The following AGBL4 variants were observed in gnomAD, a reference collection of about 807,000 sequenced individuals.
AGBL4 encodes the protein AGBL carboxypeptidase 4, also known as cytosolic carboxypeptidase 6.
In AGBL4, 58 loss-of-function variants were observed where a neutral mutation model predicts 66.4. The observed-to-expected ratio is 0.87, with a 90% CI of 0.71 to 1.09. The LOEUF (loss-of-function observed/expected upper bound fraction) is 1.09. AGBL4 is among the 50% of genes least tolerant of loss of function. AGBL4 has a pLI of 0.00. For synonymous variants in AGBL4, 234 were observed against 222.9 expected (o/e 1.05, Z -0.44); for missense variants, 579 against 631.0 (o/e 0.92, Z 0.88).
rs114966912 is a variant in AGBL4 at position 49,528,735 on chromosome 1, C to T, written c.282+168578G>A. Reference sequence around the variant, plus strand: ...ATAAGATGAGTGGGAGATTGGTGGACGAAAAATTTTTAAAAAAATTAGAAA... The same window carrying T: ...ATAAGATGAGTGGGAGATTGGTGGATGAAAAATTTTTAAAAAAATTAGAAA... On this transcript the variant is annotated intron_variant, in intron 3 of 13. Coordinates refer to ENST00000371839, the MANE Select transcript of AGBL4 (RefSeq NM_032785.4). Among the ~76,000 whole-genome samples the T allele has an allele frequency of 6.6e-3, 1,004 of 151,170 alleles. 11 individuals carry two copies. Among genetic ancestry groups the T allele is most frequent in the African/African-American group, 0.022 (909 of 41,180 alleles).
chr1:49,993,902 C>T (rs1400024773), intron 1 of AGBL4, among the ~76,000 whole-genome samples: 3 of 152,140 alleles, frequency 2.0e-5, no homozygotes, highest in African/African-American at 4.8e-5. Context: ...ACAATTTAGC[C>T]AAAACTGGCT....
chr1:48,799,015 A>AT (rs1226110188), intron 6 of AGBL4, among the ~76,000 whole-genome samples: 1 of 152,100 alleles, frequency 6.6e-6, no homozygotes, highest in Non-Finnish European at 1.5e-5. Context: ...TTTTGGTTCC[A>AT]TATGAATTTT....
chr1:48,708,544 T>C (rs763212708), intron 6 of AGBL4, among the ~76,000 whole-genome samples: 60 of 152,116 alleles, frequency 3.9e-4, no homozygotes, highest in Non-Finnish European at 7.4e-4. Context: ...GGAAGGGCCC[T>C]AGAGAAGATC....
intron 4 of AGBL4, among the ~76,000 whole-genome samples, chr1:49,141,666 T>C (rs905708293): frequency 6.6e-6 from 1 of 152,072 alleles, no homozygotes; most frequent in Non-Finnish European, 1.5e-5. Context: ...GAAAGAAAGA[T>C]AAAGTTGGAG....
intron 4 of AGBL4, among the ~76,000 whole-genome samples, chr1:49,112,951 TAA>T (rs1645442078): frequency 2.6e-5 from 4 of 151,542 alleles, no homozygotes; most frequent in African/African-American, 9.7e-5. Flanking sequence ...ATCTTCTTTT[TAA>T]TTTTTTTTTT....
intron 8 of AGBL4, among the ~76,000 whole-genome samples, chr1:48,635,122 T>C (rs1356372587): frequency 1.3e-5 from 2 of 152,194 alleles, no homozygotes; most frequent in East Asian, 3.9e-4. Context: ...GGTCTTCTTG[T>C]CTTCTCCTTG....
Position 49,738,363 on chromosome 1 carries a change from C to A in AGBL4, c.158-40926G>T, listed in dbSNP as rs187186676. Among the ~76,000 whole-genome samples the A allele has an allele frequency of 3.3e-5, 5 of 152,320 alleles. No individual in the cohort carries two copies. In the East Asian group the frequency reaches 9.7e-4, roughly 30 times the overall value. On this transcript the variant is annotated intron_variant, in intron 2 of 13. Transcript: ENST00000371839. Reference sequence around the variant, plus strand: ...GTCAGCAGCAAGGCTGGGGGAGGGGCGCTCACCATTGCCCAGGCTTGAGCA... The same window carrying A: ...GTCAGCAGCAAGGCTGGGGGAGGGGAGCTCACCATTGCCCAGGCTTGAGCA...
At chr1:48,571,455 C>G (rs868478551) in intron 11 of AGBL4, among the ~76,000 whole-genome samples, 6 of 152,236 alleles carry the variant, frequency 3.9e-5, no homozygotes, top group African/African-American at 1.2e-4. Flanking sequence ...AGACTTCAGA[C>G]AGCTGCGTGC....
At chr1:49,954,512 T>A (rs1217546537) in intron 1 of AGBL4, among the ~76,000 whole-genome samples, 6 of 152,034 alleles carry the variant, frequency 3.9e-5, no homozygotes, top group African/African-American at 1.4e-4. Context: ...AGAGGGCCTT[T>A]GCCAGATGCT....
Position 49,595,704 on chromosome 1 carries a change from A to T in AGBL4, c.282+101609T>A, listed in dbSNP as rs192468083. Among the ~76,000 whole-genome samples the T allele has an allele frequency of 2.0e-5, 3 of 152,294 alleles. No individual in the cohort carries two copies. In the East Asian group the frequency reaches 5.8e-4, roughly 29 times the overall value. On this transcript the variant is annotated intron_variant, in intron 3 of 13. Coordinates refer to ENST00000371839, the MANE Select transcript of AGBL4 (RefSeq NM_032785.4). Reference sequence around the variant, plus strand: ...TGAAATGCAATTATTTCATAGCATAAGCACACAAGAGAAAACTAGTTTTAG... The same window carrying T: ...TGAAATGCAATTATTTCATAGCATATGCACACAAGAGAAAACTAGTTTTAG...
At chr1:49,059,271 A>T (rs1644360054) in intron 4 of AGBL4, among the ~76,000 whole-genome samples, 1 of 152,220 alleles carries the variant, frequency 6.6e-6, no homozygotes, top group African/African-American at 2.4e-5. Flanking sequence ...CCATGGCTAA[A>T]TGGGGCCAAA....
chr1:49,854,536 C>T (rs1196003209), intron 1 of AGBL4, among the ~76,000 whole-genome samples: 1 of 152,108 alleles, frequency 6.6e-6, no homozygotes, highest in African/African-American at 2.4e-5. Flanking sequence ...ACTCACCCCC[C>T]TGAAGCCTAA....
At chr1:48,752,786 T>C (rs1257382876) in intron 6 of AGBL4, among the ~76,000 whole-genome samples, 3 of 152,148 alleles carry the variant, frequency 2.0e-5, no homozygotes, top group Admixed American at 2.0e-4. Context: ...AGTCTCGCTC[T>C]GTCGCCAGGC....
intron 11 of AGBL4, among the ~76,000 whole-genome samples, chr1:48,546,864 AACACACACAC>A (rs58136623): frequency 5.5e-5 from 7 of 128,382 alleles, no homozygotes; most frequent in South Asian, 2.7e-4. Context: ...AAAACAAACA[AACACACACAC>A]ACACACACAC....
intron 3 of AGBL4, among the ~76,000 whole-genome samples, chr1:49,601,712 T>C (rs1054544633): frequency 6.6e-6 from 1 of 152,156 alleles, no homozygotes; most frequent in South Asian, 2.1e-4. Context: ...TCAAGATGGA[T>C]TAGAGACTTA....
At chr1:48,581,476 C>T (rs895490287) in intron 11 of AGBL4, among the ~76,000 whole-genome samples, 1 of 152,196 alleles carries the variant, frequency 6.6e-6, no homozygotes, top group Non-Finnish European at 1.5e-5. Flanking sequence ...GCTATTTCTT[C>T]TTGGCTTGTA....
chr1:49,878,055 T>C (rs1349794447), intron 1 of AGBL4, among the ~76,000 whole-genome samples: 10 of 151,846 alleles, frequency 6.6e-5, no homozygotes, highest in African/African-American at 2.4e-4. Context: ...TCTCTTTTCT[T>C]CTTTATTAGT....
chr1:49,010,868 CA>C (rs1255744732), intron 5 of AGBL4, among the ~76,000 whole-genome samples: 2 of 150,500 alleles, frequency 1.3e-5, no homozygotes, highest in Non-Finnish European at 3.0e-5. Flanking sequence ...ACACCTTATA[CA>C]AAAATCAATT....
intron 4 of AGBL4, among the ~76,000 whole-genome samples, chr1:49,094,469 G>A (rs1270033589): frequency 1.3e-5 from 2 of 152,026 alleles, no homozygotes; most frequent in African/African-American, 4.8e-5. Flanking sequence ...CGTTGGTTCT[G>A]TTTATATGCT....
Sources: allele counts gnomAD v4.1 joint callset (sites outside exome capture counted in the v4.1 genomes callset), GRCh38; gene constraint gnomAD v4.1.1; transcripts MANE v1.5; gene names NCBI Gene and HGNC (gene_info 2026-07-23, HGNC 2026-07-21).